RELN: variants seen among roughly 807,000 people sequenced by gnomAD.
RELN encodes the protein reelin.
A neutral mutation model predicts 427.6 loss-of-function variants in RELN; 108 were observed. The ratio of observed to expected loss-of-function variants is 0.25; its 90% CI spans 0.22 to 0.30. RELN has a LOEUF of 0.30. Among genes scored for constraint, RELN ranks in the 10% least tolerant of loss-of-function variants. The pLI is 1.00. For synonymous variants in RELN, 1,524 were observed against 1,513.4 expected (o/e 1.01, Z -0.16); for missense variants, 3,715 against 4,302.8 (o/e 0.86, Z 3.82).
At chr7:103,780,071 T>C (rs1297512295) in intron 3 of RELN, among the ~76,000 whole-genome samples, 2 of 152,238 alleles carry the variant, frequency 1.3e-5, no homozygotes, top group Non-Finnish European at 2.9e-5. Context: ...TTGTATTCTC[T>C]ACTCCAACCC....
At chr7:103,675,799 A>G (rs1462412030) in intron 11 of RELN, among the ~76,000 whole-genome samples, 1 of 152,242 alleles carries the variant, frequency 6.6e-6, no homozygotes, top group East Asian at 1.9e-4. Context: ...AAGATTCCCT[A>G]TTTAATAAAC....
chr7:103,821,242 A>C (rs1793007873), intron 3 of RELN, among the ~76,000 whole-genome samples: 1 of 152,140 alleles, frequency 6.6e-6, no homozygotes, highest in African/African-American at 2.4e-5. Context: ...GTAGGCTTTA[A>C]TGTGCATCCT....
At chr7:103,821,473 G>A (rs1450022344) in intron 3 of RELN, among the ~76,000 whole-genome samples, 2 of 152,146 alleles carry the variant, frequency 1.3e-5, no homozygotes, top group Non-Finnish European at 2.9e-5. Flanking sequence ...AGACATGTAA[G>A]TACTGTATTG....
chr7:103,768,931 T>C (rs1791494120), intron 4 of RELN, among the ~76,000 whole-genome samples: 1 of 152,200 alleles, frequency 6.6e-6, no homozygotes, highest in Admixed American at 6.5e-5. Flanking sequence ...TTGGAGGAAA[T>C]GTGTGCTATC....
intron 3 of RELN, among the ~76,000 whole-genome samples, chr7:103,777,883 T>TCACACACACACACACACACACACACA (rs201873652): frequency 7.0e-6 from 1 of 143,870 alleles, no homozygotes; most frequent in African/African-American, 2.6e-5. Context: ...TGTTATACCT[T>TCACACACACACACACACACACACACA]CACACACACA....
intron 3 of RELN, among the ~76,000 whole-genome samples, chr7:103,792,040 T>C (rs1792176105): frequency 2.0e-5 from 3 of 151,946 alleles, no homozygotes; most frequent in Admixed American, 2.0e-4. Flanking sequence ...TCCCACAAGA[T>C]AGAATAAAAA....
Position 103,593,784 on chromosome 7 carries a change from A to C in RELN, c.3810T>G (p.Cys1270Trp). The C allele has an allele frequency of 6.2e-7, 1 of 1,613,966 alleles. No individual in the cohort carries two copies. Among genetic ancestry groups the C allele is most frequent in the Non-Finnish European group, 8.5e-7 (1 of 1,179,872 alleles). Residue 1270 changes from cysteine (C) to tryptophan (W), a missense_variant, in exon 27 of 65, where the codon TGT (cysteine) becomes TGG (tryptophan). Coordinates refer to ENST00000428762, the MANE Select transcript of RELN (RefSeq NM_005045.4). Reference sequence around the variant, plus strand: ...ATATCATTGCTGATGGTGTGGCAGCACAGAAGGTTTCATTTTTAACCATTC... The same window carrying C: ...ATATCATTGCTGATGGTGTGGCAGCCCAGAAGGTTTCATTTTTAACCATTC... The part of the protein sequence containing the change: ...NEGMVKNETF[C>W]AATPSAMIFG...
At chr7:103,852,289 A>AT (rs5886282) in intron 2 of RELN, among the ~76,000 whole-genome samples, 120,321 of 151,858 alleles carry the variant, frequency 0.79, 47,782 homozygotes, top group South Asian at 0.88. Context: ...AGAACAAACT[A>AT]TTTTTTTACA....
intron 20 of RELN, among the ~76,000 whole-genome samples, chr7:103,614,275 T>C (rs1832031499): frequency 6.6e-6 from 1 of 152,208 alleles, no homozygotes; most frequent in South Asian, 2.1e-4. Context: ...TTGCAAATGC[T>C]TTGGTGTGGA....
intron 8 of RELN, among the ~76,000 whole-genome samples, chr7:103,712,142 T>C (rs1272077882): frequency 1.3e-5 from 2 of 152,200 alleles, no homozygotes; most frequent in Non-Finnish European, 2.9e-5. Flanking sequence ...ATCTCAAGAA[T>C]ACACAAGCAC....
At chr7:103,571,564 G>A (rs927716052) in intron 31 of RELN, among the ~76,000 whole-genome samples, 2 of 152,092 alleles carry the variant, frequency 1.3e-5, no homozygotes, top group African/African-American at 2.4e-5. Context: ...CATGATCATG[G>A]GCAGGTTACT....
At chr7:103,936,671 C>T (rs539226395) in intron 1 of RELN, among the ~76,000 whole-genome samples, 6 of 151,724 alleles carry the variant, frequency 4.0e-5, no homozygotes, top group Admixed American at 2.6e-4. Flanking sequence ...CTTTTCCCTC[C>T]CCCAAGAAAT....
At chr7:103,875,333 G>A (rs982734677) in intron 2 of RELN, among the ~76,000 whole-genome samples, 1 of 151,156 alleles carries the variant, frequency 6.6e-6, no homozygotes, top group South Asian at 2.1e-4. Flanking sequence ...AAAAGCAATG[G>A]CAACAAAAGC....
chr7:103,832,250 C>A (rs548406682), intron 3 of RELN, among the ~76,000 whole-genome samples: 2 of 152,208 alleles, frequency 1.3e-5, no homozygotes, highest in South Asian at 2.1e-4. Context: ...ATTCAAGATG[C>A]CTTCCAGCTC....
At chr7:103,888,505 A>T (rs1026990271) in intron 2 of RELN, among the ~76,000 whole-genome samples, 2 of 152,178 alleles carry the variant, frequency 1.3e-5, no homozygotes, top group African/African-American at 2.4e-5. Context: ...ACTTATAAAC[A>T]ACTTTTGGCA....
chr7:103,633,211 T>G (rs918281300), intron 19 of RELN, among the ~76,000 whole-genome samples: 1 of 152,126 alleles, frequency 6.6e-6, no homozygotes, highest in Non-Finnish European at 1.5e-5. Context: ...CACTTCATTT[T>G]TGAACAACAA....
At chr7:103,482,221 A>G (rs1180988823) in intron 63 of RELN, 2 of 152,400 alleles carry the variant, frequency 1.3e-5, no homozygotes, top group African/African-American at 4.8e-5. Context: ...AACCACTTGG[A>G]GCCATCAGTC....
chr7:103,780,771 A>C (rs886889224), intron 3 of RELN, among the ~76,000 whole-genome samples: 2 of 152,102 alleles, frequency 1.3e-5, no homozygotes, highest in Non-Finnish European at 2.9e-5. Context: ...CATGGTATAT[A>C]TGTATCATAT....
chr7:103,619,354 C>T (rs977638), intron 20 of RELN, among the ~76,000 whole-genome samples: 23,217 of 151,934 alleles, frequency 0.15, 2,079 homozygotes, highest in African/African-American at 0.24. Context: ...TGCTGTGGGA[C>T]GGGAGATTCT....
Sources: gnomAD v4.1 joint callset for allele counts (sites outside exome capture counted in the v4.1 genomes callset) on GRCh38, gnomAD v4.1.1 for gene constraint, MANE v1.5 for transcripts, NCBI Gene and HGNC (gene_info 2026-07-23, HGNC 2026-07-21) for gene names.